KIAA1217: variants seen among roughly 807,000 people sequenced by gnomAD.
KIAA1217 encodes the protein sickle tail protein homolog.
A neutral mutation model predicts 163.9 loss-of-function variants in KIAA1217; 88 were observed. The observed-to-expected ratio is 0.54, with a 90% CI of 0.45 to 0.64. The LOEUF (loss-of-function observed/expected upper bound fraction) is 0.64. Among genes scored for constraint, KIAA1217 ranks in the 30% least tolerant of loss-of-function variants. KIAA1217 has a pLI of 0.00. For missense variants in KIAA1217, 2,372 were observed against 2,475.0 expected (o/e 0.96, Z 0.88); for synonymous variants, 903 against 923.1 (o/e 0.98, Z 0.39).
At chr10:24,530,570 T>G (rs2072963376) in intron 14 of KIAA1217, among the ~76,000 whole-genome samples, 2 of 152,324 alleles carry the variant, frequency 1.3e-5, no homozygotes, top group East Asian at 3.9e-4. Context: ...ATTTTCTGAC[T>G]ACTTGGATAA....
rs563623304 is a variant in KIAA1217, at chr10:24,474,030, C to T, written c.1649C>T (p.Thr550Met). ...LMEKQVFAYS[T>M]ATIPKDRETR... The stretch of plus-strand genomic sequence containing the variant: ...GAGAAGCAAGTTTTTGCCTACAGCA[C>T]GGCGACAATACCCAAAGACAGAGAG... Residue 550 changes from threonine (T) to methionine (M), a missense_variant, in exon 6 of 21, where the codon ACG becomes ATG. Around this residue, in one of 3 missense-constraint regions of KIAA1217, gnomAD observed 1,431 missense variants for 1,470.3 expected, o/e 0.97. Transcript: ENST00000376454. 12 of 1,610,250 alleles carry T rather than the reference C, an allele frequency of 7.5e-6. No homozygotes were observed. Among genetic ancestry groups the T allele is most frequent in the Admixed American group, 3.4e-5 (2 of 59,646 alleles).
At chr10:24,177,791 C>T (rs544792288) in intron 2 of KIAA1217, among the ~76,000 whole-genome samples, 3 of 152,132 alleles carry the variant, frequency 2.0e-5, no homozygotes, top group South Asian at 4.2e-4. Flanking sequence ...TGAGTCAGGA[C>T]CATTACATCT....
intron 1 of KIAA1217, among the ~76,000 whole-genome samples, chr10:23,924,234 C>T (rs1214789806): frequency 2.7e-5 from 4 of 149,256 alleles, no homozygotes; most frequent in Non-Finnish European, 5.9e-5. Context: ...TAATTTGTGG[C>T]GGCAGCAATG....
chr10:23,722,510 C>T (rs1455206476), intron 1 of KIAA1217, among the ~76,000 whole-genome samples: 1 of 151,898 alleles, frequency 6.6e-6, no homozygotes, highest in Non-Finnish European at 1.5e-5. Context: ...AAAATCCTTG[C>T]CTTTATTTTA....
At chr10:23,925,698 G>A (rs1232455863) in intron 1 of KIAA1217, among the ~76,000 whole-genome samples, 3 of 152,156 alleles carry the variant, frequency 2.0e-5, no homozygotes, top group African/African-American at 7.2e-5. Context: ...TGATCATGGA[G>A]GGAAGAAGTG....
chr10:23,836,166 T>G (rs1838438743), intron 1 of KIAA1217, among the ~76,000 whole-genome samples: 1 of 152,248 alleles, frequency 6.6e-6, no homozygotes. Flanking sequence ...CCTATCAGTC[T>G]GTGCCTTTTT....
intron 9 of KIAA1217, among the ~76,000 whole-genome samples, chr10:24,506,256 G>C (rs1208016956): frequency 2.0e-5 from 3 of 152,192 alleles, no homozygotes; most frequent in South Asian, 2.1e-4. Flanking sequence ...TTTCTGATTT[G>C]TGGTATAACC....
chr10:23,717,920 T>C (rs1349456244), intron 1 of KIAA1217, among the ~76,000 whole-genome samples: 1 of 152,202 alleles, frequency 6.6e-6, no homozygotes, highest in African/African-American at 2.4e-5. Flanking sequence ...TAAAACATTA[T>C]ACACACATCC....
At chr10:24,368,039 G>C (rs930891153) in intron 2 of KIAA1217, among the ~76,000 whole-genome samples, 3 of 152,134 alleles carry the variant, frequency 2.0e-5, no homozygotes, top group African/African-American at 7.2e-5. Flanking sequence ...AGGGTAACAA[G>C]CTCAATTTAG....
At chr10:24,021,615 G>T (rs1183746858) in intron 2 of KIAA1217, among the ~76,000 whole-genome samples, 1 of 151,812 alleles carries the variant, frequency 6.6e-6, no homozygotes, top group Non-Finnish European at 1.5e-5. Flanking sequence ...TACATGAAAG[G>T]CAAAAGATAC....
intron 3 of KIAA1217, among the ~76,000 whole-genome samples, chr10:24,423,607 G>GCA: frequency 6.6e-6 from 1 of 152,062 alleles, no homozygotes; most frequent in South Asian, 2.1e-4. Context: ...CTACAGGCAT[G>GCA]CACCACCACA....
chr10:23,919,942 A>G (rs1445689490), intron 1 of KIAA1217, among the ~76,000 whole-genome samples: 1 of 151,964 alleles, frequency 6.6e-6, no homozygotes, highest in Admixed American at 6.6e-5. Flanking sequence ...CTCAGACACA[A>G]TTTTTACAGG....
intron 1 of KIAA1217, among the ~76,000 whole-genome samples, chr10:23,990,781 A>C (rs762967023): frequency 6.6e-6 from 1 of 152,182 alleles, no homozygotes; most frequent in African/African-American, 2.4e-5. Context: ...ACATCTCTAC[A>C]AAGGGTCCTA....
At chr10:23,709,553 G>T (rs145550832) in intron 1 of KIAA1217, among the ~76,000 whole-genome samples, 236 of 151,464 alleles carry the variant, frequency 1.6e-3, no homozygotes, top group African/African-American at 5.5e-3. Flanking sequence ...AAAAAATAAA[G>T]AAATAGAAAC....
chr10:24,434,180 G>A (rs1434461380), intron 4 of KIAA1217, among the ~76,000 whole-genome samples: 4 of 151,852 alleles, frequency 2.6e-5, no homozygotes, highest in Non-Finnish European at 5.9e-5. Context: ...GGGATTACAG[G>A]CGCCCACCAC....
chr10:24,153,104 T>G (rs77787388), intron 2 of KIAA1217, among the ~76,000 whole-genome samples: 3,943 of 152,298 alleles, frequency 0.026, 145 homozygotes, highest in African/African-American at 0.089. Flanking sequence ...AGTTTGCCCA[T>G]CACAGGACTT....
intron 5 of KIAA1217, among the ~76,000 whole-genome samples, chr10:24,457,136 C>T (rs1326784641): frequency 6.6e-6 from 1 of 152,172 alleles, no homozygotes. Context: ...TTTATTGTCA[C>T]TTATCTTCTG....
chr10:24,414,654 G>A (rs187664691), intron 3 of KIAA1217, among the ~76,000 whole-genome samples: 1 of 152,350 alleles, frequency 6.6e-6, no homozygotes, highest in African/African-American at 2.4e-5. Flanking sequence ...TACAGGTGGT[G>A]ATGGGAAGAT....
chr10:24,445,128 A>G (rs1564692546), intron 5 of KIAA1217, among the ~76,000 whole-genome samples: 1 of 152,182 alleles, frequency 6.6e-6, no homozygotes, highest in African/African-American at 2.4e-5. Flanking sequence ...TAAATTAGTC[A>G]GTAACTCTGG....
Sources: gnomAD v4.1 joint callset for allele counts (sites outside exome capture counted in the v4.1 genomes callset) on GRCh38, gnomAD v4.1.1 for gene constraint, gnomAD v4.1.1 regional missense constraint, MANE v1.5 for transcripts, NCBI Gene and HGNC (gene_info 2026-07-23, HGNC 2026-07-21) for gene names.